RPTOR: variants seen among roughly 807,000 people sequenced by gnomAD.
RPTOR encodes regulatory associated protein of MTOR complex 1.
In RPTOR, 21 loss-of-function variants were observed where a neutral mutation model predicts 169.9. The ratio of observed to expected loss-of-function variants is 0.12; its 90% CI spans 0.09 to 0.18. The LOEUF is 0.18. Among genes scored for constraint, RPTOR ranks in the 10% least tolerant of loss-of-function variants. RPTOR has a pLI of 1.00. For missense variants in RPTOR, 1,133 were observed against 1,855.9 expected, an observed-to-expected ratio of 0.61 and a Z score of 7.16; for synonymous variants, 732 against 753.2, an observed-to-expected ratio of 0.97 and a Z score of 0.46.
At chr17:80,568,449 G>A (rs1176572213) in intron 1 of RPTOR, among the ~76,000 whole-genome samples, 1 of 152,022 alleles carries the variant, frequency 6.6e-6, no homozygotes, top group Admixed American at 6.6e-5. Context: ...TCTTACTTTT[G>A]TTCTCTAGTA....
intron 4 of RPTOR, among the ~76,000 whole-genome samples, chr17:80,714,868 C>A (rs919587456): frequency 6.6e-6 from 1 of 152,190 alleles, no homozygotes; most frequent in African/African-American, 2.4e-5. Flanking sequence ...GGATTACAGG[C>A]GTCCACCACC....
chr17:80,629,752 T>C (rs574627166), intron 2 of RPTOR, among the ~76,000 whole-genome samples: 3 of 151,680 alleles, frequency 2.0e-5, no homozygotes, highest in East Asian at 3.9e-4. Flanking sequence ...CAGCTGTCTA[T>C]GTATTGTGTT....
At position 80,923,610 on chromosome 17, in the gene RPTOR, G is replaced by C. The variant is rs779047405; in HGVS notation, c.2745G>C (p.Gln915His). ...GCACCACAGGCCCCGCTGGGGCGCA[G>C]TACACCCCTCACTCCCACCAGTTCC... ...RPGTTGPAGA[Q>H]YTPHSHQFPR... Residue 915 changes from glutamine (Q) to histidine (H), a missense_variant, in exon 23 of 34, where the codon CAG becomes CAC. Physicochemically the swap from Gln to His is conservative, Grantham distance 24. Around this residue, in one of 9 missense-constraint regions of RPTOR, gnomAD observed 410 missense variants for 623.7 expected, o/e 0.66. Coordinates refer to ENST00000306801, the MANE Select transcript of RPTOR (RefSeq NM_020761.3). 8.7e-6 allele frequency: 14 copies of C among 1,612,962 alleles called. No individual in the cohort carries two copies. Among genetic ancestry groups the C allele is most frequent in the Middle Eastern group, 1.7e-4 (1 of 6,060 alleles).
intron 5 of RPTOR, among the ~76,000 whole-genome samples, chr17:80,736,606 A>G (rs944025029): frequency 6.6e-5 from 10 of 152,180 alleles, no homozygotes; most frequent in African/African-American, 2.4e-4. Context: ...TGCATATCTC[A>G]CAGATCTAAA....
At chr17:80,871,363 C>A (rs1238108627) in intron 13 of RPTOR, among the ~76,000 whole-genome samples, 4 of 152,158 alleles carry the variant, frequency 2.6e-5, no homozygotes, top group Non-Finnish European at 4.4e-5. Context: ...CCGCTCCCGG[C>A]CATGCCCAAT....
At chr17:80,929,176 T>C (rs1314408305) in intron 24 of RPTOR, among the ~76,000 whole-genome samples, 1 of 152,230 alleles carries the variant, frequency 6.6e-6, no homozygotes, top group African/African-American at 2.4e-5. Flanking sequence ...ACCATTAAAA[T>C]TCTTTAAGTT....
intron 3 of RPTOR, among the ~76,000 whole-genome samples, chr17:80,682,525 T>C (rs1182275203): frequency 6.6e-6 from 1 of 152,198 alleles, no homozygotes; most frequent in East Asian, 1.9e-4. Flanking sequence ...GAGAAGGCCA[T>C]GTGAAGACTG....
intron 4 of RPTOR, among the ~76,000 whole-genome samples, chr17:80,713,222 C>G (rs924478597): frequency 6.6e-6 from 1 of 152,174 alleles, no homozygotes; most frequent in East Asian, 1.9e-4. Context: ...GCACCCGCCT[C>G]CACGCCCGGC....
chr17:80,783,942 G>A (rs2143466355), intron 6 of RPTOR, among the ~76,000 whole-genome samples: 1 of 152,330 alleles, frequency 6.6e-6, no homozygotes, highest in East Asian at 1.9e-4. Flanking sequence ...AGTTAGGAAA[G>A]TCGCTTCTAC....
At chr17:80,660,026 T>G (rs2065709594) in intron 3 of RPTOR, among the ~76,000 whole-genome samples, 2 of 152,056 alleles carry the variant, frequency 1.3e-5, no homozygotes, top group Admixed American at 1.3e-4. Context: ...ATCCCAGCAC[T>G]TTGGGAAGCC....
At chr17:80,736,329 G>T (rs2066433202) in intron 5 of RPTOR, among the ~76,000 whole-genome samples, 1 of 152,138 alleles carries the variant, frequency 6.6e-6, no homozygotes. Flanking sequence ...GCCACCTGTA[G>T]CAGTACACTC....
chr17:80,730,779 G>GCC lies in RPTOR; in HGVS notation c.654+73_654+74insCC. ...TCCCTGGGGGTGGGGTTTGGGTGGG[G>GCC]AGGTTGGGAGGTGTTGGACATCCTC... On this transcript the variant is annotated intron_variant, in intron 5 of 33. Coordinates refer to ENST00000306801, the MANE Select transcript of RPTOR (RefSeq NM_020761.3). The surrounding 1 kb of genome is among the most constrained non-coding windows in gnomAD (Gnocchi z 4.2). 492 of 627,820 alleles carry GCC rather than the reference G, an allele frequency of 7.8e-4. No individual in the cohort carries two copies. The highest frequency in any genetic ancestry group is 1.2e-3 in the Non-Finnish European group (424 of 353,242). 38.9% of individuals were successfully genotyped at this position (627,820 alleles called of 1,614,324 possible).
intron 4 of RPTOR, chr17:80,709,134 C>T (rs1449809949): frequency 8.2e-6 from 8 of 977,138 alleles, no homozygotes; most frequent in African/African-American, 1.8e-5. Context: ...CAGCTCCTCC[C>T]GCAGGGCACA....
intron 3 of RPTOR, among the ~76,000 whole-genome samples, chr17:80,655,206 C>T (rs1470207386): frequency 2.0e-5 from 3 of 152,168 alleles, no homozygotes; most frequent in Admixed American, 2.0e-4. Flanking sequence ...CTGCCTCAGC[C>T]TCCCGAATAG....
intron 21 of RPTOR, among the ~76,000 whole-genome samples, chr17:80,916,726 G>A (rs867710489): frequency 2.3e-4 from 35 of 152,230 alleles, no homozygotes; most frequent in African/African-American, 8.2e-4. Context: ...TTGGCCGAGT[G>A]CGATGGCTCA....
intron 2 of RPTOR, among the ~76,000 whole-genome samples, chr17:80,634,532 ATG>A (rs2065479720): frequency 9.1e-5 from 1 of 10,998 alleles, no homozygotes; most frequent in Non-Finnish European, 1.9e-4. Flanking sequence ...TACTGTGTGC[ATG>A]TGCGTACTGT....
At chr17:80,742,766 G>C (rs138087241) in intron 5 of RPTOR, among the ~76,000 whole-genome samples, 3,143 of 151,446 alleles carry the variant, frequency 0.021, 42 homozygotes, top group Non-Finnish European at 0.031. Context: ...ATATAGACAC[G>C]CACATGTATA....
chr17:80,891,932 G>C, intron 18 of RPTOR, 95 bp downstream of exon 18: 4 of 773,096 alleles, frequency 5.2e-6, no homozygotes, highest in Non-Finnish European at 8.3e-6. Flanking sequence ...CAGAGTCTAA[G>C]CGCAGGTTTC....
At chr17:80,825,974 C>A (rs1382835959) in intron 9 of RPTOR, among the ~76,000 whole-genome samples, 1 of 152,132 alleles carries the variant, frequency 6.6e-6, no homozygotes, top group African/African-American at 2.4e-5. Context: ...AGCCCTGGGT[C>A]AGCGGTGGAG....
Sources: allele counts gnomAD v4.1 joint callset (sites outside exome capture counted in the v4.1 genomes callset), GRCh38; gene constraint gnomAD v4.1.1; regional missense constraint gnomAD v4.1.1; non-coding constraint Gnocchi (gnomAD v3.1); transcripts MANE v1.5; gene names NCBI Gene and HGNC (gene_info 2026-07-23, HGNC 2026-07-21).